SPIDR: variants seen among roughly 807,000 people sequenced by gnomAD.
SPIDR encodes the protein scaffold protein involved in DNA repair.
In SPIDR, 93 loss-of-function variants were observed where a neutral mutation model predicts 104.6. The observed-to-expected ratio is 0.89, with a 90% CI of 0.75 to 1.06. SPIDR has a LOEUF of 1.06. Ranked by LOEUF, SPIDR falls within the 50% of genes least tolerant of loss-of-function variation. SPIDR has a pLI of 0.00. For synonymous variants in SPIDR, 431 were observed against 416.9 expected (o/e 1.03, Z -0.41); for missense variants, 1,154 against 1,111.2 (o/e 1.04, Z -0.55).
chr8:47,392,984 G>T (rs897627358), intron 5 of SPIDR, among the ~76,000 whole-genome samples: 1 of 152,064 alleles, frequency 6.6e-6, no homozygotes, highest in Non-Finnish European at 1.5e-5. Context: ...TATTTCCAAG[G>T]TTCCAATTTG....
At chr8:47,607,759 T>C (rs1250998283) in intron 10 of SPIDR, among the ~76,000 whole-genome samples, 3 of 151,946 alleles carry the variant, frequency 2.0e-5, no homozygotes, top group African/African-American at 7.3e-5. Context: ...CCAGACCCTT[T>C]ATATTCTTTG....
intron 14 of SPIDR, among the ~76,000 whole-genome samples, chr8:47,708,668 G>C (rs551473070): frequency 2.6e-5 from 4 of 152,234 alleles, no homozygotes; most frequent in African/African-American, 9.6e-5. Flanking sequence ...TCTGCTCCAC[G>C]TGTTTATTCC....
chr8:47,618,917 TGTG>T (rs1174208658), intron 10 of SPIDR, among the ~76,000 whole-genome samples: 5 of 152,352 alleles, frequency 3.3e-5, no homozygotes, highest in African/African-American at 9.6e-5. Context: ...AGCACAAAAG[TGTG>T]TTACCATTTG....
intron 8 of SPIDR, among the ~76,000 whole-genome samples, chr8:47,550,751 A>G (rs528776680): frequency 5.9e-5 from 9 of 152,198 alleles, no homozygotes; most frequent in African/African-American, 2.2e-4. Flanking sequence ...CTAATTGAAT[A>G]CCCTTTATTT....
chr8:47,522,118 C>T (rs1023237634), intron 8 of SPIDR, among the ~76,000 whole-genome samples: 3 of 149,866 alleles, frequency 2.0e-5, no homozygotes, highest in African/African-American at 7.4e-5. Flanking sequence ...GAGCCGAGAT[C>T]GTGCCACTGT....
intron 8 of SPIDR, among the ~76,000 whole-genome samples, chr8:47,491,791 A>G (rs1258300894): frequency 6.6e-6 from 1 of 152,120 alleles, no homozygotes; most frequent in Non-Finnish European, 1.5e-5. Context: ...TCAAGGCTGT[A>G]GTGAAGTATG....
At chr8:47,695,111 C>A (rs2079148449) in intron 11 of SPIDR, among the ~76,000 whole-genome samples, 1 of 151,930 alleles carries the variant, frequency 6.6e-6, no homozygotes, top group South Asian at 2.1e-4. Flanking sequence ...CTAGAAAACA[C>A]CACTGTACAC....
intron 1 of SPIDR, among the ~76,000 whole-genome samples, chr8:47,268,497 T>G (rs1235458287): frequency 1.3e-5 from 2 of 152,240 alleles, no homozygotes; most frequent in African/African-American, 4.8e-5. Context: ...TCTATCTATG[T>G]TTTACAGTTT....
chr8:47,340,559 G>A (rs1380505278), intron 5 of SPIDR, among the ~76,000 whole-genome samples: 1 of 152,112 alleles, frequency 6.6e-6, no homozygotes, highest in African/African-American at 2.4e-5. Context: ...CCGACATTGC[G>A]CCACTGCACT....
chr8:47,599,244 A>G, intron 10 of SPIDR, 48 bp downstream of exon 10: 1 of 1,599,766 alleles, frequency 6.3e-7, no homozygotes, highest in Non-Finnish European at 8.5e-7. Context: ...AGTCACTTAG[A>G]CAGAGTGCTC....
chr8:47,290,994 A>G (rs1563498717), intron 3 of SPIDR, 39 bp from the exon 4 acceptor site: 20 of 1,483,872 alleles, frequency 1.3e-5, no homozygotes, highest in East Asian at 2.3e-5. Flanking sequence ...ATGACCATAT[A>G]AGGAGATCAT....
intron 5 of SPIDR, among the ~76,000 whole-genome samples, chr8:47,340,305 G>A (rs1366258159): frequency 1.3e-5 from 2 of 151,984 alleles, no homozygotes; most frequent in African/African-American, 4.8e-5. Context: ...TTCTCAACAC[G>A]TACAATAAAC....
intron 8 of SPIDR, among the ~76,000 whole-genome samples, chr8:47,566,441 G>A (rs913030835): frequency 6.6e-6 from 1 of 151,954 alleles, no homozygotes; most frequent in African/African-American, 2.4e-5. Context: ...TAAGTGAGTA[G>A]TCATAGAATT....
intron 10 of SPIDR, among the ~76,000 whole-genome samples, chr8:47,664,324 A>G (rs1160685177): frequency 6.6e-6 from 1 of 152,204 alleles, no homozygotes; most frequent in Non-Finnish European, 1.5e-5. Flanking sequence ...GAAGCAGGCA[A>G]TAGAAACTGC....
intron 7 of SPIDR, among the ~76,000 whole-genome samples, chr8:47,429,571 G>T (rs2066982569): frequency 6.6e-6 from 1 of 152,184 alleles, no homozygotes; most frequent in Admixed American, 6.5e-5. Flanking sequence ...GATGTATAGG[G>T]CATCCCTGAG....
chr8:47,674,450 G>A (rs1332709173), intron 11 of SPIDR, among the ~76,000 whole-genome samples: 1 of 152,038 alleles, frequency 6.6e-6, no homozygotes, highest in Non-Finnish European at 1.5e-5. Context: ...CAAAGATCTG[G>A]CCTATCTGTG....
At chr8:47,406,857 C>A (rs1229680748) in intron 6 of SPIDR, among the ~76,000 whole-genome samples, 3 of 152,158 alleles carry the variant, frequency 2.0e-5, no homozygotes, top group Non-Finnish European at 2.9e-5. Flanking sequence ...GTTTTATCAT[C>A]TGTGCAGTGG....
At chr8:47,390,853 T>G (rs1481558164) in intron 5 of SPIDR, among the ~76,000 whole-genome samples, 4 of 152,184 alleles carry the variant, frequency 2.6e-5, no homozygotes, top group African/African-American at 9.7e-5. Context: ...ATCTGTCTTG[T>G]TCCAAAACTT....
At chr8:47,381,379 A>G (rs2059307373) in intron 5 of SPIDR, among the ~76,000 whole-genome samples, 1 of 152,168 alleles carries the variant, frequency 6.6e-6, no homozygotes, top group Non-Finnish European at 1.5e-5. Context: ...TTTACTTGCC[A>G]TGGTGTATCT....
Sources: gnomAD v4.1 joint callset for allele counts (sites outside exome capture counted in the v4.1 genomes callset) on GRCh38, gnomAD v4.1.1 for gene constraint, MANE v1.5 for transcripts, NCBI Gene and HGNC (gene_info 2026-07-23, HGNC 2026-07-21) for gene names.